Variants in DIP2C observed in about 807,000 individuals in gnomAD.
The protein encoded by DIP2C is disco-interacting protein 2 homolog C.
In DIP2C, 33 loss-of-function variants were observed where a neutral mutation model predicts 192.4. The observed-to-expected ratio is 0.17, with a 90% CI of 0.13 to 0.23. The LOEUF is 0.23. Ranked by LOEUF, DIP2C falls within the 10% of genes least tolerant of loss-of-function variation. The pLI, the probability that DIP2C is intolerant of heterozygous loss-of-function variation, is 1.00. For synonymous variants in DIP2C, 979 were observed against 864.1 expected (o/e 1.13, Z -2.33); for missense variants, 1,537 against 2,110.1 (o/e 0.73, Z 5.32).
chr10:320,702 T>C (rs1311647848), intron 31 of DIP2C, among the ~76,000 whole-genome samples: 1 of 152,036 alleles, frequency 6.6e-6, no homozygotes, highest in Non-Finnish European at 1.5e-5. Flanking sequence ...GAGGGTCACT[T>C]GAGGCCAGGA....
intron 1 of DIP2C, among the ~76,000 whole-genome samples, chr10:487,796 C>T (rs776465764): frequency 7.2e-5 from 11 of 152,078 alleles, no homozygotes; most frequent in Non-Finnish European, 1.5e-4. Flanking sequence ...CCAGGATGAT[C>T]TCCATCTCCT....
intron 31 of DIP2C, among the ~76,000 whole-genome samples, chr10:314,937 C>T (rs1956713389): frequency 6.6e-6 from 1 of 152,206 alleles, no homozygotes; most frequent in Admixed American, 6.5e-5. Flanking sequence ...ACATCATCCA[C>T]AGTTCATTTA....
intron 32 of DIP2C, among the ~76,000 whole-genome samples, chr10:293,547 T>G (rs553249234): frequency 9.9e-5 from 15 of 152,140 alleles, no homozygotes; most frequent in Non-Finnish European, 1.9e-4. Context: ...GAGGGGAAAT[T>G]AAATACTCAA....
Position 498,443 on chromosome 10 carries a change from C to T in DIP2C, c.86-11913G>A, listed in dbSNP as rs74115021. Among the ~76,000 whole-genome samples the T allele has an allele frequency of 6.2e-3, 943 of 152,286 alleles. 11 individuals are homozygous for T. The highest frequency in any genetic ancestry group is 0.022 in the African/African-American group (895 of 41,554). On this transcript the variant is annotated intron_variant, in intron 1 of 36. Coordinates refer to ENST00000280886, the MANE Select transcript of DIP2C (RefSeq NM_014974.3). Reference sequence around the variant, plus strand: ...CAGCAGTCCGGGCCACAGAAGCAGGCGCCAGTGGAGATGCTTGCCTCCCCT... The same window carrying T: ...CAGCAGTCCGGGCCACAGAAGCAGGTGCCAGTGGAGATGCTTGCCTCCCCT...
intron 2 of DIP2C, among the ~76,000 whole-genome samples, chr10:476,385 C>A (rs1843032991): frequency 6.6e-6 from 1 of 152,174 alleles, no homozygotes; most frequent in South Asian, 2.1e-4. Context: ...GGATCCTAGG[C>A]AAGTTTGTGA....
chr10:327,784 C>T (rs937004227), intron 30 of DIP2C, among the ~76,000 whole-genome samples: 38 of 152,304 alleles, frequency 2.5e-4, no homozygotes, highest in Admixed American at 2.2e-3. Flanking sequence ...TGTCCCATTA[C>T]GCCAAGAATT....
At chr10:572,950 G>A (rs919964347) in intron 1 of DIP2C, among the ~76,000 whole-genome samples, 7 of 152,046 alleles carry the variant, frequency 4.6e-5, no homozygotes, top group African/African-American at 7.2e-5. Flanking sequence ...AGATGTCCCC[G>A]CTCCCTGAAT....
intron 31 of DIP2C, among the ~76,000 whole-genome samples, chr10:323,597 AGT>A (rs1222034022): frequency 5.9e-5 from 9 of 152,240 alleles, no homozygotes; most frequent in African/African-American, 2.2e-4. Flanking sequence ...GAATTCTGGC[AGT>A]GTCTTAATTT....
intron 1 of DIP2C, among the ~76,000 whole-genome samples, chr10:527,743 G>A (rs1289907613): frequency 6.6e-6 from 1 of 152,182 alleles, no homozygotes. Context: ...GAGATGGTTG[G>A]CCTAGAACCA....
chr10:320,300 G>C (rs1478870183), intron 31 of DIP2C, among the ~76,000 whole-genome samples: 1 of 151,952 alleles, frequency 6.6e-6, no homozygotes, highest in Non-Finnish European at 1.5e-5. Context: ...ACGAGGTCAG[G>C]AGTTTGAGAC....
At chr10:336,978 C>CTGTGTGTG (rs141349366) in intron 29 of DIP2C, among the ~76,000 whole-genome samples, 2 of 33,312 alleles carry the variant, frequency 6.0e-5, no homozygotes, top group East Asian at 1.6e-3. Flanking sequence ...GCCTAGGCAG[C>CTGTGTGTG]TGTGTGTGTG....
chr10:376,867 A>G (rs777904093), intron 17 of DIP2C, among the ~76,000 whole-genome samples: 1 of 152,202 alleles, frequency 6.6e-6, no homozygotes, highest in Admixed American at 6.5e-5. Flanking sequence ...CGCGAGGGGA[A>G]ATTCAGTGAA....
At chr10:348,789 T>G (rs1958645281) in intron 25 of DIP2C, 27 bp from the exon 26 acceptor site, 2 of 1,611,372 alleles carry the variant, frequency 1.2e-6, no homozygotes. Flanking sequence ...ACATCATCAT[T>G]GAAGCAGACC....
chr10:559,066 G>T (rs1412062597), intron 1 of DIP2C, among the ~76,000 whole-genome samples: 1 of 152,126 alleles, frequency 6.6e-6, no homozygotes, highest in East Asian at 1.9e-4. Flanking sequence ...AACGGGAGTT[G>T]AATATTTGCA....
At chr10:319,966 T>C (rs778892456) in intron 31 of DIP2C, among the ~76,000 whole-genome samples, 2 of 152,188 alleles carry the variant, frequency 1.3e-5, no homozygotes, top group Admixed American at 1.3e-4. Flanking sequence ...GACTAAAGAA[T>C]GTATTTTTCC....
At chr10:553,327 C>T (rs1044748596) in intron 1 of DIP2C, among the ~76,000 whole-genome samples, 12 of 152,222 alleles carry the variant, frequency 7.9e-5, no homozygotes, top group Non-Finnish European at 1.3e-4. Context: ...GCGTGTGTGG[C>T]GCCTGGTCAC....
At chr10:416,528 C>T (rs1324771724) in intron 6 of DIP2C, among the ~76,000 whole-genome samples, 1 of 152,168 alleles carries the variant, frequency 6.6e-6, no homozygotes, top group African/African-American at 2.4e-5. Flanking sequence ...TCCTAAAGCA[C>T]AGAAGTTAAA....
chr10:483,718 G>A (rs990342254), intron 2 of DIP2C, among the ~76,000 whole-genome samples: 8 of 152,250 alleles, frequency 5.3e-5, no homozygotes, highest in Non-Finnish European at 8.8e-5. Flanking sequence ...GGCCCAGAGA[G>A]GAGGAACGCA....
At chr10:613,574 T>C (rs995505883) in intron 1 of DIP2C, among the ~76,000 whole-genome samples, 3 of 152,230 alleles carry the variant, frequency 2.0e-5, no homozygotes, top group Non-Finnish European at 4.4e-5. Flanking sequence ...TCCTTACCTC[T>C]CAATAATTGT....
Sources: allele counts gnomAD v4.1 joint callset (sites outside exome capture counted in the v4.1 genomes callset), GRCh38; gene constraint gnomAD v4.1.1; transcripts MANE v1.5; gene names NCBI Gene and HGNC (gene_info 2026-07-23, HGNC 2026-07-21).